KLHL4: variants seen among roughly 807,000 people sequenced by gnomAD.
KLHL4 encodes the protein kelch like family member 4.
In KLHL4, 17 loss-of-function variants were observed where a neutral mutation model predicts 45.8. That is an observed-to-expected ratio of 0.37 (90% CI 0.25 to 0.56). The LOEUF (loss-of-function observed/expected upper bound fraction) is 0.56. Among genes scored for constraint, KLHL4 ranks in the 20% least tolerant of loss-of-function variants. The pLI is 0.79. For missense variants in KLHL4, 544 were observed against 544.9 expected (o/e 1.00, Z 0.02); for synonymous variants, 224 against 189.9 (o/e 1.18, Z -1.47).
Position 87,668,436 on chromosome X carries a change from C to G in KLHL4, c.*1902C>G, listed in dbSNP as rs971393472. On this transcript the variant is annotated 3_prime_UTR_variant, in exon 11 of 11. Transcript: ENST00000373119. ...AGCTGGACTTGATTAAGTATTGACT[C>G]ATAGAAGAGACATGTATGTTTCCCG... 3 of 750,824 alleles carry G rather than the reference C, an allele frequency of 4.0e-6. No homozygotes were observed. The highest frequency in any genetic ancestry group is 4.7e-6 in the Non-Finnish European group (3 of 637,305). The allele number at this position is 750,824 out of a possible 1,213,427, so 61.9% of individuals were successfully genotyped here.
At chrX:87,632,667 C>A (rs1307580659) in intron 7 of KLHL4, among the ~76,000 whole-genome samples, 1 of 111,101 alleles carries the variant, frequency 9.0e-6, no homozygotes, top group Non-Finnish European at 1.9e-5. Flanking sequence ...AAAAGGATAA[C>A]CACATTTCAA....
At chrX:87,577,717 T>A in intron 1 of KLHL4, among the ~76,000 whole-genome samples, 1 of 111,729 alleles carries the variant, frequency 9.0e-6, no homozygotes, top group Middle Eastern at 4.6e-3. Flanking sequence ...GGAAAAGGAT[T>A]AAAGCTCTTA....
intron 1 of KLHL4, among the ~76,000 whole-genome samples, chrX:87,587,508 A>G (rs1199818767): frequency 2.7e-5 from 3 of 111,903 alleles, no homozygotes; most frequent in African/African-American, 6.5e-5. Context: ...AAATTAATCA[A>G]TGTGATACAT....
intron 9 of KLHL4, among the ~76,000 whole-genome samples, chrX:87,643,681 A>G (rs945826919): frequency 1.8e-5 from 2 of 112,059 alleles, no homozygotes; most frequent in Non-Finnish European, 3.8e-5. Flanking sequence ...AGAATCCAAC[A>G]GCATGTCAAA....
chrX:87,611,794 G>A (rs1371755261), intron 1 of KLHL4, among the ~76,000 whole-genome samples: 1 of 110,470 alleles, frequency 9.1e-6, no homozygotes, highest in Non-Finnish European at 1.9e-5. Flanking sequence ...CCAGAAGAAG[G>A]CAGAGATGAA....
chrX:87,541,818 G>A (rs777484999), intron 1 of KLHL4, among the ~76,000 whole-genome samples: 6 of 111,552 alleles, frequency 5.4e-5, no homozygotes, highest in South Asian at 3.8e-4. Flanking sequence ...GAACAGTTTG[G>A]AGGGCTCAGA....
intron 1 of KLHL4, among the ~76,000 whole-genome samples, chrX:87,579,631 TCAG>T (rs1007056476): frequency 2.7e-5 from 3 of 111,595 alleles, no homozygotes; most frequent in Admixed American, 1.9e-4. Flanking sequence ...CAATAGCCAA[TCAG>T]CAGATTTCCC....
intron 1 of KLHL4, among the ~76,000 whole-genome samples, chrX:87,576,691 A>C (rs1001571260): frequency 6.3e-5 from 7 of 111,730 alleles, no homozygotes; most frequent in Middle Eastern, 4.8e-3. Flanking sequence ...TCCTGTTACG[A>C]AATCTTTACA....
intron 6 of KLHL4, 66 bp downstream of exon 6, chrX:87,625,862 G>A: frequency 1.1e-6 from 1 of 888,428 alleles, no homozygotes; most frequent in Non-Finnish European, 1.6e-6. Context: ...AAATTATAAG[G>A]GTGATATTAA....
intron 8 of KLHL4, among the ~76,000 whole-genome samples, chrX:87,634,969 T>C (rs1923215056): frequency 8.9e-6 from 1 of 111,859 alleles, no homozygotes; most frequent in African/African-American, 3.2e-5. Context: ...AACTTTAAAA[T>C]TATATTAAAA....
intron 1 of KLHL4, among the ~76,000 whole-genome samples, chrX:87,542,054 T>G (rs1479270478): frequency 9.0e-6 from 1 of 111,647 alleles, no homozygotes; most frequent in Non-Finnish European, 1.9e-5. Context: ...ACTTTGAACT[T>G]GAGAGAGATG....
intron 10 of KLHL4, among the ~76,000 whole-genome samples, chrX:87,665,269 A>C (rs1326135133): frequency 8.9e-6 from 1 of 111,752 alleles, no homozygotes; most frequent in Admixed American, 9.5e-5. Flanking sequence ...AAAATAAAGC[A>C]TTTTACCATG....
At chrX:87,664,735 C>T (rs1342858095) in intron 9 of KLHL4, 29 bp from the exon 10 acceptor site, 4 of 1,103,216 alleles carry the variant, frequency 3.6e-6, no homozygotes, top group African/African-American at 3.7e-5. Context: ...TGGACTTTTC[C>T]TCCCAATTAT....
chrX:87,631,274 C>A (rs773617579), intron 6 of KLHL4, among the ~76,000 whole-genome samples: 1 of 111,637 alleles, frequency 9.0e-6, no homozygotes, highest in African/African-American at 3.3e-5. Flanking sequence ...CCTTTCCTAT[C>A]GGTGCAGCTG....
intron 9 of KLHL4, 127 bp from the exon 10 acceptor site, chrX:87,664,637 C>T: frequency 2.2e-6 from 1 of 456,862 alleles, no homozygotes; most frequent in Non-Finnish European, 3.7e-6. Flanking sequence ...ATCCAATCTA[C>T]ATTTGATATT....
At position 87,668,558 on chromosome X, in the gene KLHL4, C is replaced by T. The variant is rs750556646; in HGVS notation, c.*2024C>T. ...TTTCCCTCGAAAACTCATGTTGAAA[C>T]TTAACTCCTAATGTAGCAGTACTGA... On this transcript the variant is annotated 3_prime_UTR_variant, in exon 11 of 11. Transcript: ENST00000373119. The T allele has an allele frequency of 1.6e-5, 10 of 623,855 alleles. No homozygotes were observed. Among genetic ancestry groups the T allele is most frequent in the Admixed American group, 9.0e-5 (1 of 11,131 alleles). The allele number at this position is 623,855 out of a possible 1,213,427, so 51.4% of individuals were successfully genotyped here. A position where few individuals can be genotyped will look rare whatever the true frequency, so the allele number is the denominator to read the frequency against.
chrX:87,621,374 G>GA lies in KLHL4; in HGVS notation c.925-830dup, dbSNP rs752785787. Among the ~76,000 whole-genome samples, 560 of 109,910 alleles carry GA rather than the reference G, an allele frequency of 5.1e-3. 4 individuals carry two copies. The highest frequency in any genetic ancestry group is 0.018 in the African/African-American group (533 of 30,288). On this transcript the variant is annotated intron_variant, in intron 4 of 10. Coordinates refer to ENST00000373119, the MANE Select transcript of KLHL4 (RefSeq NM_019117.5). The stretch of plus-strand genomic sequence containing the variant: ...AAGAACATGTAATATTTATAAACTA[G>GA]AAAAAAATATAATGGTGTTTTGATT...
At position 87,632,427 on chromosome X, in the gene KLHL4, C is replaced by T. The variant is rs759746130; in HGVS notation, c.1542C>T (p.His514=). The part of the protein sequence containing the change: ...TVMPPMSTHR[H]GLGVATLEGP... Reference sequence around the variant, plus strand: ...TGCCTCCCATGTCAACACATCGGCACGGCTTAGGTAAGAGCTTAACGTAAT... The same window carrying T: ...TGCCTCCCATGTCAACACATCGGCATGGCTTAGGTAAGAGCTTAACGTAAT... Residue 514 remains histidine (H), a synonymous_variant, in exon 7 of 11, where the codon CAC becomes CAT. Coordinates refer to ENST00000373119, the MANE Select transcript of KLHL4 (RefSeq NM_019117.5). 15 of 1,179,002 alleles carry T rather than the reference C, an allele frequency of 1.3e-5. No individual in the cohort carries two copies. In the East Asian group the frequency reaches 1.5e-4, roughly 12 times the overall value.
chrX:87,669,531 C>G lies in KLHL4; in HGVS notation c.*2997C>G. The G allele has an allele frequency of 1.3e-6, 1 of 752,865 alleles. No homozygotes were observed. Among genetic ancestry groups the G allele is most frequent in the Non-Finnish European group, 1.8e-6 (1 of 549,356 alleles). The allele number at this position is 752,865 out of a possible 1,213,427, so 62.0% of individuals were successfully genotyped here. On this transcript the variant is annotated 3_prime_UTR_variant, in exon 11 of 11. Coordinates refer to ENST00000373119, the MANE Select transcript of KLHL4 (RefSeq NM_019117.5). ...CCAAATGCAATATAGAAAAAAAAAC[C>G]CTGTGACTCTGGATTTTATTTTAAG...
Sources: gnomAD v4.1 joint callset for allele counts (sites outside exome capture counted in the v4.1 genomes callset) on GRCh38, gnomAD v4.1.1 for gene constraint, MANE v1.5 for transcripts, NCBI Gene and HGNC (gene_info 2026-07-23, HGNC 2026-07-21) for gene names.